COG4: variants seen among roughly 807,000 people sequenced by gnomAD.
COG4 encodes component of oligomeric golgi complex 4.
Under a neutral mutation model 95.1 loss-of-function variants are expected in COG4, and 65 were observed. The observed-to-expected ratio is 0.68, with a 90% confidence interval of 0.56 to 0.84. The LOEUF is 0.84. Among genes scored for constraint, COG4 ranks in the 40% least tolerant of loss-of-function variants. COG4 has a pLI of 0.00. For missense variants in COG4, 1,045 were observed against 989.1 expected (o/e 1.06, Z -0.76); for synonymous variants, 421 against 374.8 (o/e 1.12, Z -1.42).
chr16:70,497,157 T>G, intron 11 of COG4, 64 bp downstream of exon 11: 1 of 1,481,920 alleles, frequency 6.7e-7, no homozygotes, highest in South Asian at 1.1e-5. Context: ...CAGAAACAAA[T>G]GGGCCTCAGG....
In COG4 at chr16:70,523,362, C is replaced by G; in HGVS notation, c.171+11G>C. The G allele has an allele frequency of 6.2e-7, 1 of 1,614,028 alleles. No homozygotes were observed. The highest frequency in any genetic ancestry group is 8.5e-7 in the Non-Finnish European group (1 of 1,179,924). On this transcript the variant is annotated intron_variant, in intron 1 of 18. Transcript: ENST00000323786. The stretch of plus-strand genomic sequence containing the variant: ...GATCCTCCATGAAAAAGAAGAGGCT[C>G]GACCCCGCACCTCCTCGCCGCAGAG...
chr16:70,514,284 G>T, intron 4 of COG4, 51 bp downstream of exon 4: 4 of 1,555,356 alleles, frequency 2.6e-6, no homozygotes, highest in Non-Finnish European at 3.5e-6. Context: ...GCTTACTTCA[G>T]ATTACAGATG....
chr16:70,498,060 G>A lies in COG4; in HGVS notation c.1196-5C>T. 1.9e-6 allele frequency: 3 copies of A among 1,584,782 alleles called. No homozygotes were observed. Among genetic ancestry groups the A allele is most frequent in the Non-Finnish European group, 2.6e-6 (3 of 1,153,346 alleles). On this transcript the variant is annotated splice_region_variant and splice_polypyrimidine_tract_variant and intron_variant, in intron 9 of 18. Transcript: ENST00000323786. ...TGTCCAGACACTTCTGGTGCTCTAG[G>A]GGACAGCCAAGAAAGGAATACTCAT...
At chr16:70,481,325 C>A (rs768470870) in intron 18 of COG4, 34 bp downstream of exon 18, 7 of 1,610,458 alleles carry the variant, frequency 4.3e-6, no homozygotes, top group Non-Finnish European at 5.9e-6. Context: ...TTTCAGTCAC[C>A]CCTCCCTGGC....
intron 13 of COG4, among the ~76,000 whole-genome samples, chr16:70,487,581 C>T (rs2049164488): frequency 6.6e-6 from 1 of 150,664 alleles, no homozygotes; most frequent in Non-Finnish European, 1.5e-5. Context: ...GACTCCGTCT[C>T]AAAAAAAAAC....
In COG4 at chr16:70,481,432, G is replaced by A. The variant is rs1056526236; in HGVS notation, c.2162C>T (p.Thr721Met). 8.7e-6 allele frequency: 14 copies of A among 1,613,068 alleles called. No homozygotes were observed. The highest frequency in any genetic ancestry group is 1.2e-5 in the Non-Finnish European group (14 of 1,179,986). The change falls in exon 18 of 19, where the codon ACG becomes ATG. Residue 721 changes from threonine (T) to methionine (M), a missense_variant. Coordinates refer to ENST00000323786, the MANE Select transcript of COG4 (RefSeq NM_015386.3). ...ELRSLIAYLT[T>M]VTTWTIRDKF... ...GTCTCGGATGGTCCAGGTGGTCACC[G>A]TGGTAAGGTAGGCAATGAGCGACCT...
Position 70,480,890 on chromosome 16 carries a change from T to C in COG4, c.*120A>G. The C allele has an allele frequency of 3.3e-6, 4 of 1,204,598 alleles. No individual in the cohort carries two copies. Among genetic ancestry groups the C allele is most frequent in the South Asian group, 1.2e-5 (1 of 81,274 alleles). 74.6% of individuals were successfully genotyped at this position (1,204,598 alleles called of 1,614,324 possible). On this transcript the variant is annotated 3_prime_UTR_variant, in exon 19 of 19. Transcript: ENST00000323786. Reference sequence around the variant, plus strand: ...GACTTTGTTTCTCTGCTGCCAGCCGTAGAAAGGTCTGGGCTGTCAGATCTC... The same window carrying C: ...GACTTTGTTTCTCTGCTGCCAGCCGCAGAAAGGTCTGGGCTGTCAGATCTC...
chr16:70,498,881 T>C (rs1453012278), intron 9 of COG4, among the ~76,000 whole-genome samples: 1 of 152,204 alleles, frequency 6.6e-6, no homozygotes, highest in African/African-American at 2.4e-5. Flanking sequence ...GAATATTTCA[T>C]TCTCTACACC....
chr16:70,501,005 G>T lies in COG4; in HGVS notation c.1148C>A (p.Ser383Tyr). Residue 383 changes from serine to tyrosine, a missense_variant, in exon 9 of 19, where the codon TCT (serine) becomes TAT (tyrosine). Ser to Tyr is a moderately radical substitution (Grantham distance 144). Coordinates refer to ENST00000323786, the MANE Select transcript of COG4 (RefSeq NM_015386.3). Reference sequence around the variant, plus strand: ...CATGGAGTCTCCCACCTCAAAATCAGAGCTAATCCTCTTCTTGAGGAAGCG... The same window carrying T: ...CATGGAGTCTCCCACCTCAAAATCATAGCTAATCCTCTTCTTGAGGAAGCG... ...YLRFLKKRISSDFEVGDSMAS... is the reference protein window; with the variant it reads ...YLRFLKKRISYDFEVGDSMAS... 1 of 1,614,064 alleles carries T rather than the reference G, an allele frequency of 6.2e-7. No individual in the cohort carries two copies. Among genetic ancestry groups the T allele is most frequent in the African/African-American group, 1.3e-5 (1 of 75,030 alleles).
At position 70,482,811 on chromosome 16, in the gene COG4, G is replaced by T; in HGVS notation, c.1838C>A (p.Thr613Lys). 6.2e-7 allele frequency: 1 copy of T among 1,613,444 alleles called. No homozygotes were observed. Residue 613 changes from threonine (T) to lysine (K), a missense_variant, in exon 15 of 19, where the codon ACG becomes AAG. Thr to Lys is a moderately conservative substitution (Grantham distance 78). Transcript: ENST00000323786. The part of the protein sequence containing the change: ...KFRDLLQEGL[T>K]ELNSTAIKPQ... ...CTTGATGGCTGTGCTGTTGAGCTCC[G>T]TCAGCCCTTCCTGCACAAGGACAAG...
At chr16:70,496,050 G>T (rs1453557165) in intron 12 of COG4, among the ~76,000 whole-genome samples, 1 of 152,208 alleles carries the variant, frequency 6.6e-6, no homozygotes, top group Non-Finnish European at 1.5e-5. Context: ...GGACAGCCCA[G>T]CCTCTATCGT....
intron 9 of COG4, among the ~76,000 whole-genome samples, chr16:70,500,351 G>C (rs1231721885): frequency 7.1e-6 from 1 of 141,400 alleles, no homozygotes; most frequent in Non-Finnish European, 1.5e-5. Flanking sequence ...GAGGATTCCT[G>C]TACATTATAT....
chr16:70,511,893 T>C (rs1030214203), intron 5 of COG4, among the ~76,000 whole-genome samples: 5 of 152,016 alleles, frequency 3.3e-5, no homozygotes, highest in Admixed American at 1.3e-4. Context: ...CATCATGCCA[T>C]TGTACTCCAG....
intron 2 of COG4, 85 bp downstream of exon 2, chr16:70,519,564 A>G: frequency 3.2e-6 from 3 of 940,278 alleles, no homozygotes; most frequent in South Asian, 2.7e-5. Flanking sequence ...ACTGGTGTTT[A>G]TAACAGAAAG....
chr16:70,491,364 C>A (rs551008167), intron 12 of COG4, among the ~76,000 whole-genome samples: 3 of 150,216 alleles, frequency 2.0e-5, no homozygotes, highest in Non-Finnish European at 4.4e-5. Context: ...AAAATACACA[C>A]AAAAAAATTA....
At chr16:70,511,650 A>G (rs1367956486) in intron 5 of COG4, among the ~76,000 whole-genome samples, 1 of 151,614 alleles carries the variant, frequency 6.6e-6, no homozygotes, top group Non-Finnish European at 1.5e-5. Flanking sequence ...AGAGTGATTC[A>G]GACTGGGCGT....
At chr16:70,493,823 G>A (rs1333439244) in intron 12 of COG4, among the ~76,000 whole-genome samples, 1 of 152,098 alleles carries the variant, frequency 6.6e-6, no homozygotes, top group Non-Finnish European at 1.5e-5. Context: ...TAGAGGCCGT[G>A]GGAGGGAGGA....
intron 9 of COG4, among the ~76,000 whole-genome samples, 177 bp downstream of exon 9, chr16:70,500,781 A>C (rs1188540446): frequency 6.6e-6 from 1 of 152,212 alleles, no homozygotes; most frequent in African/African-American, 2.4e-5. Context: ...TCAAAGATCT[A>C]GTCCAATTCT....
At chr16:70,512,097 C>G in intron 5 of COG4, 142 bp downstream of exon 5, 1 of 810,056 alleles carries the variant, frequency 1.2e-6, no homozygotes, top group African/African-American at 1.7e-5. Context: ...TGCATCCAGT[C>G]CTGCATGGCT....
Sources: gnomAD v4.1 joint callset for allele counts (sites outside exome capture counted in the v4.1 genomes callset) on GRCh38, gnomAD v4.1.1 for gene constraint, MANE v1.5 for transcripts, NCBI Gene and HGNC (gene_info 2026-07-23, HGNC 2026-07-21) for gene names.